Variants in DTNB observed in about 807,000 individuals in gnomAD.
The protein encoded by DTNB is dystrobrevin beta, also known as DTN-B.
A neutral mutation model predicts 90.7 loss-of-function variants in DTNB; 63 were observed. The observed-to-expected ratio is 0.69, with a 90% CI of 0.57 to 0.86. The LOEUF is 0.86. DTNB is among the 40% of genes least tolerant of loss of function. The pLI, the probability that DTNB is intolerant of heterozygous loss-of-function variation, is 0.00. For synonymous variants in DTNB, 277 were observed against 286.7 expected, an observed-to-expected ratio of 0.97 and a Z score of 0.34; for missense variants, 744 against 807.1, an observed-to-expected ratio of 0.92 and a Z score of 0.95.
At chr2:25,575,889 A>T (rs573195118) in intron 8 of DTNB, among the ~76,000 whole-genome samples, 12 of 152,078 alleles carry the variant, frequency 7.9e-5, no homozygotes, top group African/African-American at 2.9e-4. Context: ...CTCTGGAAAT[A>T]AACTGAGAGA....
At chr2:25,580,513 T>A (rs1389640318) in intron 7 of DTNB, among the ~76,000 whole-genome samples, 1 of 147,550 alleles carries the variant, frequency 6.8e-6, no homozygotes, top group Non-Finnish European at 1.5e-5. Flanking sequence ...AGAGTGAGAC[T>A]CTGTCTCAAA....
chr2:25,416,676 A>G (rs778625340), intron 16 of DTNB, among the ~76,000 whole-genome samples: 47 of 152,274 alleles, frequency 3.1e-4, no homozygotes, highest in Non-Finnish European at 5.4e-4. Context: ...AGAAAAAAGA[A>G]AAAAATTTTC....
chr2:25,595,647 A>C (rs2148399631), intron 6 of DTNB, among the ~76,000 whole-genome samples: 2 of 152,282 alleles, frequency 1.3e-5, no homozygotes. Context: ...TAATATGAAA[A>C]TGGTAGTGTA....
At chr2:25,517,655 C>T (rs890519087) in intron 9 of DTNB, among the ~76,000 whole-genome samples, 3 of 152,114 alleles carry the variant, frequency 2.0e-5, no homozygotes, top group African/African-American at 7.2e-5. Flanking sequence ...AAAAATTGAA[C>T]ATATGATCCA....
rs934275309 is a variant in DTNB, at chr2:25,483,089, G to A, written c.1002-216C>T. 1.6e-4 allele frequency among the ~76,000 whole-genome samples: 24 copies of A among 152,180 alleles called. 1 individual carries two copies. Among genetic ancestry groups the A allele is most frequent in the Admixed American group, 7.8e-4 (12 of 15,292 alleles). ...ACCCTTGGGGAGGGGGGTAGAAATC[G>A]ATACTTCAAGCCTAAGTAAATTCAG... On this transcript the variant is annotated intron_variant, in intron 9 of 20. Transcript: ENST00000406818.
chr2:25,643,590 A>G (rs535536034), intron 2 of DTNB, among the ~76,000 whole-genome samples: 5 of 152,348 alleles, frequency 3.3e-5, no homozygotes, highest in African/African-American at 1.2e-4. Flanking sequence ...AGCAAAGAAA[A>G]GCTGACAGAG....
intron 10 of DTNB, among the ~76,000 whole-genome samples, chr2:25,463,334 CTTA>C (rs2061299827): frequency 6.6e-6 from 1 of 152,158 alleles, no homozygotes; most frequent in Non-Finnish European, 1.5e-5. Flanking sequence ...CCTGATGGCT[CTTA>C]TTTTCTCATC....
intron 10 of DTNB, among the ~76,000 whole-genome samples, chr2:25,464,566 C>T (rs1048241120): frequency 1.3e-5 from 2 of 151,772 alleles, no homozygotes; most frequent in Admixed American, 1.3e-4. Flanking sequence ...ACTTCCCTCT[C>T]CAGGCGAGTA....
At chr2:25,416,890 C>T (rs940154396) in intron 16 of DTNB, among the ~76,000 whole-genome samples, 7 of 151,844 alleles carry the variant, frequency 4.6e-5, no homozygotes, top group African/African-American at 9.7e-5. Context: ...GTGTTAAATA[C>T]GCCTATGTTT....
chr2:25,545,918 G>A (rs1339957694), intron 8 of DTNB, among the ~76,000 whole-genome samples: 1 of 152,152 alleles, frequency 6.6e-6, no homozygotes, highest in Non-Finnish European at 1.5e-5. Context: ...CACCGTGCCC[G>A]GCTTAGAAAC....
chr2:25,615,872 G>T (rs1407260254), intron 4 of DTNB, among the ~76,000 whole-genome samples: 1 of 152,180 alleles, frequency 6.6e-6, no homozygotes, highest in Non-Finnish European at 1.5e-5. Context: ...TGAGAATAAA[G>T]ATACTATTCA....
In DTNB at chr2:25,580,875, C is replaced by G. The variant is rs1242693157; in HGVS notation, c.604-49G>C. The stretch of plus-strand genomic sequence containing the variant: ...ATACTTTAAGTTTTTTAGGAATCTC[C>G]AAACTCCAAGTTTAATTTAGGATTT... On this transcript the variant is annotated intron_variant, in intron 6 of 20. Coordinates refer to ENST00000406818, the MANE Select transcript of DTNB (RefSeq NM_021907.5). 16 of 1,506,256 alleles carry G rather than the reference C, an allele frequency of 1.1e-5. No homozygotes were observed. In the East Asian group the frequency reaches 3.7e-4, roughly 35 times the overall value. The allele number at this position is 1,506,256 out of a possible 1,614,324, so 93.3% of individuals were successfully genotyped here.
intron 9 of DTNB, among the ~76,000 whole-genome samples, chr2:25,515,648 C>T (rs368531665): frequency 3.3e-5 from 5 of 152,182 alleles, no homozygotes; most frequent in South Asian, 2.1e-4. Flanking sequence ...AGTGCAATGG[C>T]GCAATCTCGG....
chr2:25,531,177 C>CA (rs2078098609), intron 9 of DTNB, among the ~76,000 whole-genome samples: 2 of 152,058 alleles, frequency 1.3e-5, no homozygotes, highest in South Asian at 4.1e-4. Context: ...GGAATGAACC[C>CA]AAAATCACAA....
At chr2:25,583,348 A>G (rs1272584591) in intron 6 of DTNB, among the ~76,000 whole-genome samples, 1 of 151,538 alleles carries the variant, frequency 6.6e-6, no homozygotes, top group Non-Finnish European at 1.5e-5. Flanking sequence ...TTTAGCTAGT[A>G]AAAAGTAGCG....
chr2:25,641,300 A>G (rs2078249482), intron 2 of DTNB, among the ~76,000 whole-genome samples: 1 of 152,210 alleles, frequency 6.6e-6, no homozygotes, highest in South Asian at 2.1e-4. Flanking sequence ...GATGCAAACA[A>G]TAGCCTTAGA....
At chr2:25,534,258 C>T (rs529878551) in intron 8 of DTNB, among the ~76,000 whole-genome samples, 5 of 152,108 alleles carry the variant, frequency 3.3e-5, no homozygotes, top group South Asian at 2.1e-4. Flanking sequence ...CATCTTGCAC[C>T]GCCCTTAATC....
chr2:25,491,527 G>A (rs1206010770), intron 9 of DTNB, among the ~76,000 whole-genome samples: 1 of 152,130 alleles, frequency 6.6e-6, no homozygotes, highest in Admixed American at 6.5e-5. Flanking sequence ...TGGGTAAGAA[G>A]TAATCTATTA....
chr2:25,635,735 G>A (rs2076987866), intron 3 of DTNB, among the ~76,000 whole-genome samples: 2 of 152,190 alleles, frequency 1.3e-5, no homozygotes, highest in Admixed American at 6.5e-5. Context: ...GTAGAAATTG[G>A]CAAGCAGATT....
Sources: allele counts gnomAD v4.1 joint callset (sites outside exome capture counted in the v4.1 genomes callset), GRCh38; gene constraint gnomAD v4.1.1; transcripts MANE v1.5; gene names NCBI Gene and HGNC (gene_info 2026-07-23, HGNC 2026-07-21).